ZNF592: variants seen among roughly 807,000 people sequenced by gnomAD.
The protein encoded by ZNF592 is spinocerebellar ataxia, autosomal recessive 5.
Under a neutral mutation model 80.3 loss-of-function variants are expected in ZNF592, and 11 were observed. The ratio of observed to expected loss-of-function variants is 0.14; its 90% CI spans 0.09 to 0.23. The LOEUF is 0.23. ZNF592 is among the 10% of genes least tolerant of loss of function. The pLI is 1.00. For missense variants in ZNF592, 1,420 were observed against 1,633.9 expected (o/e 0.87, Z 2.26); for synonymous variants, 646 against 640.3 (o/e 1.01, Z -0.13).
At chr15:84,788,274 C>A in intron 4 of ZNF592, among the ~76,000 whole-genome samples, 1 of 152,098 alleles carries the variant, frequency 6.6e-6, no homozygotes. Flanking sequence ...TGTAAAGCTC[C>A]CCACCTTTTA....
rs987445362 is a variant in ZNF592, at chr15:84,798,646, A to G, written c.2795A>G (p.Asp932Gly). 6 of 1,613,844 alleles carry G rather than the reference A, an allele frequency of 3.7e-6. No individual in the cohort carries two copies. Among genetic ancestry groups the G allele is most frequent in the Non-Finnish European group, 2.5e-6 (3 of 1,180,032 alleles). ...CTGTCAAGCCTCCAGTCTTCAGCGG[A>G]CACATCCTCAAGCCGCCCTGGCTCT... is the stretch of plus-strand genomic sequence containing the variant. ...DELSSLQSSA[D>G]TSSSRPGSRV... Residue 932 changes from aspartate (D) to glycine (G), a missense_variant, in exon 8 of 11, where the codon GAC (aspartate) becomes GGC (glycine). Physicochemically the swap from Asp to Gly is moderately conservative, Grantham distance 94. Around this residue, in one of 7 missense-constraint regions of ZNF592, gnomAD observed 331 missense variants for 347.0 expected, o/e 0.95. Transcript: ENST00000560079. This position sits in a 1 kb window ranked among gnomAD's most constrained non-coding sequence, Gnocchi z 4.5.
chr15:84,780,017 T>C (rs1962376145), intron 3 of ZNF592, among the ~76,000 whole-genome samples: 1 of 150,606 alleles, frequency 6.6e-6, no homozygotes, highest in Non-Finnish European at 1.5e-5. Flanking sequence ...GTTGGAGTCT[T>C]GGTCTATTGC....
intron 1 of ZNF592, among the ~76,000 whole-genome samples, chr15:84,756,941 G>A (rs1899189903): frequency 6.6e-6 from 1 of 151,832 alleles, no homozygotes; most frequent in Non-Finnish European, 1.5e-5. Context: ...GTGAAACCCC[G>A]TCTCTACTAA....
rs772123080 is a variant in ZNF592 at position 84,799,205 on chromosome 15, C to G, written c.3132C>G (p.Thr1044=). 2.8e-5 allele frequency: 46 copies of G among 1,614,048 alleles called. No homozygotes were observed. In the South Asian group the frequency reaches 5.1e-4, roughly 18 times the overall value. Residue 1044 remains threonine, a synonymous_variant, in exon 9 of 11, where the codon ACC becomes ACG. Transcript: ENST00000560079. The surrounding 1 kb of genome is among the most constrained non-coding windows in gnomAD (Gnocchi z 4.2). ...NNHDTVKKFY[T]CGYCTEDSPS... is the part of the protein sequence containing the mutation. ...ATGACACAGTAAAGAAGTTCTACAC[C>G]TGCGGGTGAGTCCCTGGGGATAGTA...
intron 4 of ZNF592, among the ~76,000 whole-genome samples, chr15:84,788,033 C>T (rs1962638222): frequency 6.6e-6 from 1 of 152,032 alleles, no homozygotes; most frequent in South Asian, 2.1e-4. Flanking sequence ...TGATTACTTC[C>T]TCATGCAGGG....
At chr15:84,757,069 C>T (rs921922534) in intron 1 of ZNF592, among the ~76,000 whole-genome samples, 8 of 151,918 alleles carry the variant, frequency 5.3e-5, no homozygotes, top group South Asian at 2.1e-4. Context: ...GTCGACATTA[C>T]GCCAGTGTAC....
At chr15:84,749,196 G>C (rs1299480306) in intron 1 of ZNF592, among the ~76,000 whole-genome samples, 2 of 152,258 alleles carry the variant, frequency 1.3e-5, no homozygotes, top group Admixed American at 1.3e-4. Flanking sequence ...TCCCGGAGCA[G>C]ACAGGTATTC....
At chr15:84,760,957 A>G (rs1355169116) in intron 1 of ZNF592, among the ~76,000 whole-genome samples, 1 of 151,480 alleles carries the variant, frequency 6.6e-6, no homozygotes, top group Non-Finnish European at 1.5e-5. Flanking sequence ...ATGGTAGGCT[A>G]CAGGAAGAAG....
chr15:84,783,291 A>G lies in ZNF592; in HGVS notation c.616A>G (p.Lys206Glu), dbSNP rs766229645. 6.2e-7 allele frequency: 1 copy of G among 1,614,104 alleles called. No homozygotes were observed. The highest frequency in any genetic ancestry group is 8.5e-7 in the Non-Finnish European group (1 of 1,180,050). The change falls in exon 4 of 11, where the codon AAG (lysine) becomes GAG (glutamate). Residue 206 changes from lysine to glutamate, a missense_variant. Coordinates refer to ENST00000560079, the MANE Select transcript of ZNF592 (RefSeq NM_014630.3). The surrounding 1 kb of genome is among the most constrained non-coding windows in gnomAD (Gnocchi z 5.0). ...MFDHFCKKEP[K>E]PEPLPLGSQQ... ...TGATCATTTTTGTAAGAAAGAACCC[A>G]AGCCAGAACCCCTGCCCTTGGGGAG...
chr15:84,751,702 C>T (rs1457487731), intron 1 of ZNF592, among the ~76,000 whole-genome samples: 1 of 150,934 alleles, frequency 6.6e-6, no homozygotes, highest in East Asian at 2.0e-4. Context: ...GTCAGGAGTT[C>T]GAGGCCATCC....
In ZNF592 at chr15:84,798,228, C is replaced by G. The variant is rs1200063608; in HGVS notation, c.2577-87C>G. On this transcript the variant is annotated intron_variant, in intron 6 of 10. Transcript: ENST00000560079. The surrounding 1 kb of genome is among the most constrained non-coding windows in gnomAD (Gnocchi z 4.5). Reference sequence around the variant, plus strand: ...TGGCTCAGGGTAGTGCTTTCCCAAACTTGACCCTGGTTCAGAGAGAGCAGA... The same window carrying G: ...TGGCTCAGGGTAGTGCTTTCCCAAAGTTGACCCTGGTTCAGAGAGAGCAGA... The G allele has an allele frequency of 7.5e-6, 12 of 1,603,392 alleles. No homozygotes were observed. The highest frequency in any genetic ancestry group is 6.6e-5 in the South Asian group (6 of 90,444).
At position 84,790,766 on chromosome 15, in the gene ZNF592, T is replaced by C. The variant is rs1311281676; in HGVS notation, c.2282T>C (p.Ile761Thr). ...NQCSFCAHQRIHAHKSPYCCP... is the reference protein window; with the variant it reads ...NQCSFCAHQRTHAHKSPYCCP... ...TGCAGTTTCTGTGCCCACCAGCGGA[T>C]TCATGCACACAAGTCCCCCTACTGC... Residue 761 changes from isoleucine (I) to threonine (T), a missense_variant, in exon 5 of 11, where the codon ATT becomes ACT. Physicochemically the swap from Ile to Thr is moderately conservative, Grantham distance 89 (BLOSUM62 -1). Around this residue, in one of 7 missense-constraint regions of ZNF592, gnomAD observed 524 missense variants for 628.3 expected, o/e 0.83. Transcript: ENST00000560079. 3.1e-6 allele frequency: 5 copies of C among 1,614,198 alleles called. No homozygotes were observed. Among genetic ancestry groups the C allele is most frequent in the Admixed American group, 1.7e-5 (1 of 60,028 alleles).
At chr15:84,751,585 A>T (rs1306908500) in intron 1 of ZNF592, among the ~76,000 whole-genome samples, 6 of 151,838 alleles carry the variant, frequency 4.0e-5, no homozygotes, top group South Asian at 2.1e-4. Context: ...TATTTTAAAA[A>T]TTTTTATTAC....
At chr15:84,778,962 C>T (rs985103146) in intron 3 of ZNF592, among the ~76,000 whole-genome samples, 11 of 152,132 alleles carry the variant, frequency 7.2e-5, no homozygotes, top group African/African-American at 2.7e-4. Context: ...GTTCTTGGTC[C>T]TCATGCCGGT....
intron 2 of ZNF592, among the ~76,000 whole-genome samples, chr15:84,769,220 C>T (rs372314287): frequency 6.6e-5 from 10 of 152,172 alleles, no homozygotes; most frequent in Admixed American, 2.0e-4. Context: ...GAATTATAGG[C>T]ATGAGCCACT....
chr15:84,786,260 A>C (rs1192087571), intron 4 of ZNF592, among the ~76,000 whole-genome samples: 1 of 152,194 alleles, frequency 6.6e-6, no homozygotes, highest in Non-Finnish European at 1.5e-5. Context: ...TATATGGCCA[A>C]CTGAGAGTGG....
rs1163605194 is a variant in ZNF592, at chr15:84,803,722, A to T, written c.*1329A>T. ...GCATTCAAGAGGTTTCTTATTTCTT[A>T]CAGCATCGCTACTGCCACAGAGAAC... is the stretch of plus-strand genomic sequence containing the variant. On this transcript the variant is annotated 3_prime_UTR_variant, in exon 11 of 11. Transcript: ENST00000560079. 1 of 152,240 alleles carries T rather than the reference A, an allele frequency of 6.6e-6. No homozygotes were observed. The highest frequency in any genetic ancestry group is 1.5e-5 in the Non-Finnish European group (1 of 68,042). The allele number at this position is 152,240 out of a possible 1,614,324, so 9.4% of individuals were successfully genotyped here.
At position 84,787,971 on chromosome 15, in the gene ZNF592, A is replaced by G. The variant is rs536202586; in HGVS notation, c.2221-2734A>G. The stretch of plus-strand genomic sequence containing the variant: ...TGTGTTCTGAGCATTTTCCAGAACA[A>G]TTCTGGGTTTAACTGATTGCTTCCT... On this transcript the variant is annotated intron_variant, in intron 4 of 10. Coordinates refer to ENST00000560079, the MANE Select transcript of ZNF592 (RefSeq NM_014630.3). Among the ~76,000 whole-genome samples, 32 of 152,318 alleles carry G rather than the reference A, an allele frequency of 2.1e-4. No individual in the cohort carries two copies. The South Asian group carries it at 4.4e-3, about 21-fold the overall frequency.
At chr15:84,759,248 T>TCAGAC (rs1274459122) in intron 1 of ZNF592, among the ~76,000 whole-genome samples, 2 of 152,212 alleles carry the variant, frequency 1.3e-5, no homozygotes, top group East Asian at 3.9e-4. Flanking sequence ...CAATTTGCTT[T>TCAGAC]CAGACCAGAA....
Sources: gnomAD v4.1 joint callset for allele counts (sites outside exome capture counted in the v4.1 genomes callset) on GRCh38, gnomAD v4.1.1 for gene constraint, gnomAD v4.1.1 regional missense constraint, Gnocchi (gnomAD v3.1) non-coding constraint, MANE v1.5 for transcripts, NCBI Gene and HGNC (gene_info 2026-07-23, HGNC 2026-07-21) for gene names.